Variants in KCNIP4 observed in about 807,000 individuals in gnomAD.
KCNIP4 encodes the protein Kv channel-interacting protein 4.
In KCNIP4, 12 loss-of-function variants were observed where a neutral mutation model predicts 34.0. The observed-to-expected ratio is 0.35, with a 90% CI of 0.23 to 0.57. The LOEUF (loss-of-function observed/expected upper bound fraction) is 0.57. Among genes scored for constraint, KCNIP4 ranks in the 20% least tolerant of loss-of-function variants. The pLI is 0.83. For missense variants in KCNIP4, 238 were observed against 311.7 expected (o/e 0.76, Z 1.78); for synonymous variants, 124 against 102.2 (o/e 1.21, Z -1.29).
At chr4:21,456,921 C>T (rs538400034) in intron 1 of KCNIP4, among the ~76,000 whole-genome samples, 17 of 152,028 alleles carry the variant, frequency 1.1e-4, no homozygotes, top group Admixed American at 2.6e-4. Flanking sequence ...CGTATTTCAC[C>T]GCCGGGTCAC....
chr4:21,764,482 A>C (rs551371290), intron 1 of KCNIP4, among the ~76,000 whole-genome samples: 2 of 152,214 alleles, frequency 1.3e-5, no homozygotes, highest in South Asian at 2.1e-4. Context: ...TCAATGAAAT[A>C]TTTATATAAA....
At chr4:21,685,131 T>A (rs1326408304) in intron 1 of KCNIP4, among the ~76,000 whole-genome samples, 1 of 152,200 alleles carries the variant, frequency 6.6e-6, no homozygotes, top group Non-Finnish European at 1.5e-5. Flanking sequence ...GAGTCATATG[T>A]TCTACCTAAT....
chr4:20,947,777 G>A (rs981488774), intron 1 of KCNIP4, among the ~76,000 whole-genome samples: 3 of 152,182 alleles, frequency 2.0e-5, no homozygotes, highest in African/African-American at 7.2e-5. Context: ...CTTACCACAT[G>A]CACATACTGG....
chr4:20,735,982 T>C (rs942302049), intron 5 of KCNIP4, among the ~76,000 whole-genome samples: 1 of 152,356 alleles, frequency 6.6e-6, no homozygotes, highest in Non-Finnish European at 1.5e-5. Context: ...CTCACATTCC[T>C]TCCTTTTATA....
At chr4:21,884,546 A>T (rs768795038) in intron 1 of KCNIP4, among the ~76,000 whole-genome samples, 1 of 152,134 alleles carries the variant, frequency 6.6e-6, no homozygotes, top group African/African-American at 2.4e-5. Flanking sequence ...TAATTCCCCA[A>T]TGGAGCTACC....
rs78265719 is a variant in KCNIP4, at chr4:20,735,911, G to A, written c.430-1176C>T. ...CAGTTTATAATCCACTTTTAGGTAG[G>A]AATGAAAGCAGAGGGGAAATCCAAA... On this transcript the variant is annotated intron_variant, in intron 5 of 8. Transcript: ENST00000382152. Among the ~76,000 whole-genome samples the A allele has an allele frequency of 8.0e-4, 122 of 152,278 alleles. 2 individuals are homozygous for A. Among genetic ancestry groups the A allele is most frequent in the East Asian group, 6.4e-3 (33 of 5,178 alleles).
chr4:21,047,604 C>T lies in KCNIP4; in HGVS notation c.62-164895G>A, dbSNP rs1204259060. 3.3e-5 allele frequency among the ~76,000 whole-genome samples: 5 copies of T among 152,100 alleles called. No homozygotes were observed. The East Asian group carries it at 7.7e-4, about 23-fold the overall frequency. ...GACTCCAAACGTATGTATCATCACC[C>T]CCAATGCTAGAAAAGTATCTAAGAA... On this transcript the variant is annotated intron_variant, in intron 1 of 8. Transcript: ENST00000382152.
intron 1 of KCNIP4, among the ~76,000 whole-genome samples, chr4:21,883,040 A>G (rs1726549665): frequency 6.6e-6 from 1 of 152,192 alleles, no homozygotes; most frequent in Non-Finnish European, 1.5e-5. Flanking sequence ...CTTATATTCT[A>G]TGCTCTCTAG....
chr4:21,556,920 C>CAAAAAAAAAAAAAAAAAAAAAAAA lies in KCNIP4; in HGVS notation c.61+391650_61+391651insTTTTTTTTTTTTTTTTTTTTTTTT, dbSNP rs1281543089. ...TGATCAACAAAGCAAGACTCCATCTCAGAAAAAAAAAAAAAAAAAAAAACC... is the reference window on the plus strand; with the variant it reads ...TGATCAACAAAGCAAGACTCCATCTCAAAAAAAAAAAAAAAAAAAAAAAAAGAAAAAAAAAAAAAAAAAAAAACC... On this transcript the variant is annotated intron_variant, in intron 1 of 8. Transcript: ENST00000382152. Among the ~76,000 whole-genome samples, 6 of 35,650 alleles carry CAAAAAAAAAAAAAAAAAAAAAAAA rather than the reference C, an allele frequency of 1.7e-4. 1 individual carries two copies. The highest frequency in any genetic ancestry group is 2.5e-3 in the East Asian group (2 of 796). 23.4% of individuals were successfully genotyped at this position (35,650 alleles called of 152,430 possible). A position where few individuals can be genotyped will look rare whatever the true frequency, so the allele number is the denominator to read the frequency against.
At chr4:21,680,654 G>T (rs1184305579) in intron 1 of KCNIP4, among the ~76,000 whole-genome samples, 1 of 152,190 alleles carries the variant, frequency 6.6e-6, no homozygotes, top group African/African-American at 2.4e-5. Flanking sequence ...CTGCAGAATG[G>T]ATGTTGTGTT....
chr4:20,734,427 T>C (rs1749090440), intron 6 of KCNIP4, among the ~76,000 whole-genome samples: 1 of 152,232 alleles, frequency 6.6e-6, no homozygotes, highest in South Asian at 2.1e-4. Context: ...GTGTAATCTT[T>C]ATGTGTTATA....
intron 1 of KCNIP4, among the ~76,000 whole-genome samples, chr4:21,601,014 C>T (rs1009555969): frequency 1.2e-4 from 18 of 151,854 alleles, no homozygotes; most frequent in South Asian, 4.2e-4. Flanking sequence ...CAGTCACTAA[C>T]GTTAAACAAA....
chr4:21,839,469 G>C (rs375756409), intron 1 of KCNIP4, among the ~76,000 whole-genome samples: 31 of 152,144 alleles, frequency 2.0e-4, no homozygotes, highest in African/African-American at 7.5e-4. Flanking sequence ...GAAAAAGAAA[G>C]AAGACCAGTT....
At chr4:21,143,370 G>C (rs930188507) in intron 1 of KCNIP4, among the ~76,000 whole-genome samples, 2 of 152,150 alleles carry the variant, frequency 1.3e-5, no homozygotes, top group African/African-American at 2.4e-5. Context: ...GGAGTGGAGA[G>C]TGACCATTGA....
At chr4:21,945,227 T>G (rs577694498) in intron 1 of KCNIP4, among the ~76,000 whole-genome samples, 1 of 152,332 alleles carries the variant, frequency 6.6e-6, no homozygotes, top group African/African-American at 2.4e-5. Flanking sequence ...CCAGAAATCT[T>G]GCACACAGAT....
intron 1 of KCNIP4, among the ~76,000 whole-genome samples, chr4:21,820,285 GTATATATATATATATATATATA>G (rs869204752): frequency 1.9e-4 from 4 of 20,666 alleles, no homozygotes; most frequent in African/African-American, 3.8e-4. Flanking sequence ...GTGTGTGTGT[GTATATATATATATATATATATA>G]TATATATATA....
chr4:20,916,148 T>C (rs149198995), intron 1 of KCNIP4, among the ~76,000 whole-genome samples: 25 of 152,324 alleles, frequency 1.6e-4, no homozygotes, highest in African/African-American at 5.1e-4. Flanking sequence ...AGTTACTTTG[T>C]GGTCATACCA....
At chr4:21,124,659 G>A (rs1750457497) in intron 1 of KCNIP4, among the ~76,000 whole-genome samples, 2 of 152,094 alleles carry the variant, frequency 1.3e-5, no homozygotes, top group African/African-American at 4.8e-5. Context: ...CATAAAAGAA[G>A]GGGGGTCTTT....
At chr4:21,790,542 T>C (rs2109231930) in intron 1 of KCNIP4, among the ~76,000 whole-genome samples, 1 of 152,126 alleles carries the variant, frequency 6.6e-6, no homozygotes, top group Middle Eastern at 3.4e-3. Flanking sequence ...TTTAAAAAAT[T>C]AATTCCCAGG....
Sources: gnomAD v4.1 joint callset for allele counts (sites outside exome capture counted in the v4.1 genomes callset) on GRCh38, gnomAD v4.1.1 for gene constraint, MANE v1.5 for transcripts, NCBI Gene and HGNC (gene_info 2026-07-23, HGNC 2026-07-21) for gene names.